WIPF1: variants seen among roughly 807,000 people sequenced by gnomAD.
WIPF1 encodes WAS/WASL interacting protein family member 1.
WIPF1 carries 13 observed loss-of-function variants against 35.4 expected under a neutral mutation model. That is an observed-to-expected ratio of 0.37 (90% confidence interval 0.24 to 0.58). The LOEUF (loss-of-function observed/expected upper bound fraction) is 0.58. Among genes scored for constraint, WIPF1 ranks in the 20% least tolerant of loss-of-function variants. WIPF1 has a pLI of 0.74. For missense variants in WIPF1, 591 were observed against 667.0 expected, an observed-to-expected ratio of 0.89 and a Z score of 1.25; for synonymous variants, 267 against 266.3, an observed-to-expected ratio of 1.00 and a Z score of -0.02.
chr2:174,638,121 T>C (rs899191121), intron 1 of WIPF1, among the ~76,000 whole-genome samples: 2 of 152,216 alleles, frequency 1.3e-5, no homozygotes, highest in African/African-American at 4.8e-5. Flanking sequence ...ATGTGTAGCA[T>C]GTGCGGACAT....
At chr2:174,587,427 T>C (rs1461105569) in intron 1 of WIPF1, 1 of 152,162 alleles carries the variant, frequency 6.6e-6, no homozygotes, top group Non-Finnish European at 1.5e-5. Context: ...CCTAAACAAA[T>C]ACTTTCTATT....
At chr2:174,600,912 CTTTTTT>C (rs1157973597), upstream of WIPF1, among the ~76,000 whole-genome samples, 28 of 65,430 alleles carry the variant, frequency 4.3e-4, no homozygotes, top group African/African-American at 7.0e-4. Flanking sequence ...CATAATGTTC[CTTTTTT>C]TTTTTTTTTT....
rs1685388395 is a variant in WIPF1 at position 174,585,554 on chromosome 2, G to C, written c.20C>G (p.Pro7Arg). 1 of 1,611,798 alleles carries C rather than the reference G, an allele frequency of 6.2e-7. No homozygotes were observed. Among genetic ancestry groups the C allele is most frequent in the African/African-American group, 1.3e-5 (1 of 74,716 alleles). ...AAACGTCGGGGGCGGCGGGGGTGCT[G>C]GAGGGGGAGGGACAGGCATCTTGGG... is the stretch of plus-strand genomic sequence containing the variant. MPVPPP[P>R]APPPPPTFAL... is the part of the protein sequence containing the mutation. Residue 7 changes from proline (P) to arginine (R), a missense_variant, in exon 2 of 8, where the codon CCA (proline) becomes CGA (arginine). Pro to Arg is a moderately radical substitution (Grantham distance 103). This residue lies in a region of WIPF1 where 471 missense variants were observed against 501.1 expected (regional missense o/e 0.94). Transcript: ENST00000679041.
chr2:174,619,674 G>C (rs973429451), intron 1 of WIPF1, among the ~76,000 whole-genome samples: 20 of 152,180 alleles, frequency 1.3e-4, no homozygotes, highest in African/African-American at 4.8e-4. Flanking sequence ...TGGGCATGGT[G>C]GCTCACACCT....
At chr2:174,642,399 T>G (rs1473452839) in intron 1 of WIPF1, among the ~76,000 whole-genome samples, 9 of 136,582 alleles carry the variant, frequency 6.6e-5, no homozygotes, top group Admixed American at 2.6e-4. Flanking sequence ...CAGGCTGGAG[T>G]GCAGTGGCGC....
chr2:174,567,439 G>A (rs1397198702), intron 6 of WIPF1, among the ~76,000 whole-genome samples: 1 of 152,240 alleles, frequency 6.6e-6, no homozygotes, highest in Non-Finnish European at 1.5e-5. Flanking sequence ...TTAGGAGCTG[G>A]GGGCTAAGGT....
At chr2:174,652,057 A>G (rs753853434) in intron 1 of WIPF1, among the ~76,000 whole-genome samples, 31 of 152,252 alleles carry the variant, frequency 2.0e-4, no homozygotes, top group Non-Finnish European at 4.4e-4. Context: ...TAGTGGCTCA[A>G]GTCTCGAAAT....
chr2:174,635,529 G>GTTTTTTTTTTTTTTTTTTTTTTT (rs1197924942), intron 1 of WIPF1, among the ~76,000 whole-genome samples: 1 of 115,624 alleles, frequency 8.6e-6, no homozygotes, highest in African/African-American at 3.4e-5. Flanking sequence ...CCTTCTGTTT[G>GTTTTTTTTTTTTTTTTTTTTTTT]TTTTTTTTTT....
At chr2:174,588,572 A>C (rs2105849551) in intron 1 of WIPF1, among the ~76,000 whole-genome samples, 1 of 152,270 alleles carries the variant, frequency 6.6e-6, no homozygotes, top group South Asian at 2.1e-4. Flanking sequence ...CTGTCTGTGC[A>C]CTAACTGACT....
chr2:174,635,674 A>G lies in WIPF1; in HGVS notation c.-39+47100T>C, dbSNP rs1574853453. On this transcript the variant is annotated intron_variant, in intron 1 of 8. Transcript: ENST00000272746. ...AGGGGAATATTCCACAATTTATAAG[A>G]CTTGACTCTGCAAAAACCCCAAAGT... Among the ~76,000 whole-genome samples the G allele has an allele frequency of 2.0e-5, 3 of 151,926 alleles. No individual in the cohort carries two copies. In the East Asian group the frequency reaches 5.8e-4, roughly 29 times the overall value.
intron 4 of WIPF1, chr2:174,574,968 G>T (rs761973606): frequency 1.1e-5 from 8 of 718,214 alleles, no homozygotes; most frequent in African/African-American, 1.9e-5. Flanking sequence ...AAAAAAAAAT[G>T]TACAGGTTAC....
intron 1 of WIPF1, chr2:174,676,298 TCC>T (rs1574874472): frequency 7.6e-6 from 1 of 132,332 alleles, no homozygotes; most frequent in South Asian, 2.8e-4. Flanking sequence ...CTCCCTTCCT[TCC>T]TTCCTCCCTC....
At chr2:174,668,568 C>T (rs967159079) in intron 1 of WIPF1, among the ~76,000 whole-genome samples, 6 of 152,184 alleles carry the variant, frequency 3.9e-5, no homozygotes, top group Non-Finnish European at 8.8e-5. Context: ...TTAAAGACCA[C>T]TGAAGTCTTA....
intron 3 of WIPF1, 63 bp downstream of exon 3, chr2:174,581,247 G>A (rs536546396): frequency 2.8e-5 from 44 of 1,594,534 alleles, no homozygotes; most frequent in Non-Finnish European, 3.8e-5. Flanking sequence ...AGTGGTGAGG[G>A]TAGGGTTGAT....
chr2:174,668,581 G>A (rs1279376376), intron 1 of WIPF1, among the ~76,000 whole-genome samples: 1 of 152,086 alleles, frequency 6.6e-6, no homozygotes, highest in East Asian at 1.9e-4. Context: ...AAGTCTTAGG[G>A]GACATTTAGA....
At chr2:174,661,479 A>G (rs993983144) in intron 1 of WIPF1, among the ~76,000 whole-genome samples, 1 of 151,864 alleles carries the variant, frequency 6.6e-6, no homozygotes, top group African/African-American at 2.4e-5. Flanking sequence ...CCTCAGCCTG[A>G]CGCACACTTC....
chr2:174,628,944 T>C (rs533636721), intron 1 of WIPF1, among the ~76,000 whole-genome samples: 1 of 152,372 alleles, frequency 6.6e-6, no homozygotes, highest in Non-Finnish European at 1.5e-5. Context: ...CCTAAACTTT[T>C]CCTGAGGCCA....
At chr2:174,598,767 G>A (rs1685902953), upstream of WIPF1, among the ~76,000 whole-genome samples, 1 of 152,164 alleles carries the variant, frequency 6.6e-6, no homozygotes, top group Non-Finnish European at 1.5e-5. Flanking sequence ...GAAGATGCTT[G>A]ACAAAAGCAT....
chr2:174,608,201 C>A (rs922833141), intron 1 of WIPF1, among the ~76,000 whole-genome samples: 5 of 152,072 alleles, frequency 3.3e-5, no homozygotes, highest in Non-Finnish European at 7.4e-5. Flanking sequence ...GGCAGGGGAA[C>A]CAAACTAGGG....
Sources: allele counts gnomAD v4.1 joint callset (sites outside exome capture counted in the v4.1 genomes callset), GRCh38; gene constraint gnomAD v4.1.1; regional missense constraint gnomAD v4.1.1; transcripts MANE v1.5; gene names NCBI Gene and HGNC (gene_info 2026-07-23, HGNC 2026-07-21).